SART3: variants seen among roughly 807,000 people sequenced by gnomAD.
SART3 encodes the protein spliceosome associated factor 3, U4/U6 recycling protein, also known as HIV-1 Tat-interacting protein of 110kDa.
Under a neutral mutation model 122.3 loss-of-function variants are expected in SART3, and 44 were observed. That is an observed-to-expected ratio of 0.36 (90% CI 0.28 to 0.46). SART3 has a LOEUF of 0.46. SART3 is among the 20% of genes least tolerant of loss of function. The pLI is 1.00. For missense variants in SART3, 1,101 were observed against 1,229.0 expected, an observed-to-expected ratio of 0.90 and a Z score of 1.56; for synonymous variants, 442 against 454.0, an observed-to-expected ratio of 0.97 and a Z score of 0.34.
intron 5 of SART3, 76 bp downstream of exon 5, chr12:108,544,351 G>A (rs1873306618): frequency 1.6e-6 from 2 of 1,262,742 alleles, no homozygotes; most frequent in East Asian, 4.6e-5. Flanking sequence ...GGTGGGAAAG[G>A]TCTAACTACA....
chr12:108,554,935 A>G (rs2030154108), intron 1 of SART3, among the ~76,000 whole-genome samples: 1 of 152,184 alleles, frequency 6.6e-6, no homozygotes, highest in Non-Finnish European at 1.5e-5. Flanking sequence ...GTGACAAGCA[A>G]TAAGAGCAAT....
chr12:108,546,763 C>T (rs531019520), intron 3 of SART3, among the ~76,000 whole-genome samples: 4 of 151,996 alleles, frequency 2.6e-5, no homozygotes, highest in East Asian at 1.9e-4. Context: ...TCAAGGGATC[C>T]GCCTGCCTCA....
At chr12:108,557,550 C>T (rs537989250) in intron 1 of SART3, among the ~76,000 whole-genome samples, 31 of 152,302 alleles carry the variant, frequency 2.0e-4, no homozygotes, top group Admixed American at 3.3e-4. Context: ...ACCTATTATG[C>T]GCCAAACTGT....
chr12:108,536,432 C>G, intron 11 of SART3, 82 bp downstream of exon 11: 1 of 1,368,428 alleles, frequency 7.3e-7, no homozygotes, highest in Non-Finnish European at 1.0e-6. Flanking sequence ...ATCTGGGATT[C>G]TGACTCAATT....
At chr12:108,543,245 C>A in intron 5 of SART3, 93 bp from the exon 6 acceptor site, 1 of 1,448,680 alleles carries the variant, frequency 6.9e-7, no homozygotes, top group Non-Finnish European at 9.5e-7. Flanking sequence ...TGCCACTAGC[C>A]CCTCCCACAT....
At chr12:108,559,065 GA>G (rs2030359593) in intron 1 of SART3, among the ~76,000 whole-genome samples, 1 of 119,332 alleles carries the variant, frequency 8.4e-6, no homozygotes, top group Non-Finnish European at 1.8e-5. Flanking sequence ...AAAAAAAGTA[GA>G]AATGCTAACC....
Position 108,549,142 on chromosome 12 carries a change from T to TA in SART3, c.384dup (p.Thr129TyrfsTer12), listed in dbSNP as rs2029890062. 6.2e-7 allele frequency: 1 copy of TA among 1,614,092 alleles called. No homozygotes were observed. Among genetic ancestry groups the TA allele is most frequent in the Non-Finnish European group, 8.5e-7 (1 of 1,180,032 alleles). On this transcript the variant is annotated frameshift_variant, in exon 2 of 19. Transcript: ENST00000546815. LOFTEE classifies it high-confidence loss of function. ...TTCTGGCGGGCCATCCTCACCTTGG[T>TA]AAGCTCCCCTTCCAGCCTGAGCAGT...
In SART3 at chr12:108,536,621, G is replaced by A. The variant is rs748250633; in HGVS notation, c.1388-49C>T. 8.7e-6 allele frequency: 14 copies of A among 1,610,184 alleles called. No individual in the cohort carries two copies. The Admixed American group carries it at 1.2e-4, about 13-fold the overall frequency. ...TTAGAAAGGAACTTGGAGACAGATA[G>A]TCGCTGGCTGAAAAGGTACATCAAC... On this transcript the variant is annotated intron_variant, in intron 10 of 18. Coordinates refer to ENST00000546815, the MANE Select transcript of SART3 (RefSeq NM_014706.4).
At chr12:108,538,861 C>G in intron 7 of SART3, 73 bp downstream of exon 7, 1 of 1,586,226 alleles carries the variant, frequency 6.3e-7, no homozygotes. Flanking sequence ...GCAACAAACT[C>G]CTGGCACTCT....
chr12:108,547,584 T>C (rs1287679802), intron 3 of SART3, among the ~76,000 whole-genome samples: 17 of 152,166 alleles, frequency 1.1e-4, no homozygotes. Flanking sequence ...GTCCAAAACC[T>C]CTAAAAACCT....
At position 108,526,433 on chromosome 12, in the gene SART3, G is replaced by C. The variant is rs370133415; in HGVS notation, c.2036C>G (p.Ser679Trp). The C allele has an allele frequency of 1.3e-5, 21 of 1,614,020 alleles. No individual in the cohort carries two copies. The East Asian group carries it at 3.6e-4, about 27-fold the overall frequency. The change falls in exon 16 of 19, where the codon TCG becomes TGG. Residue 679 changes from serine to tryptophan, a missense_variant. Coordinates refer to ENST00000546815, the MANE Select transcript of SART3 (RefSeq NM_014706.4). ...GGAGGCTGCCTTCTCCTTCTGCTTC[G>C]AAGGGGGCTCCACATCTACGGCAGC... ...KCAAVDVEPP[S>W]KQKEKAASLK... is the part of the protein sequence containing the mutation.
chr12:108,549,403 C>T (rs1482173028), intron 1 of SART3, 189 bp from the exon 2 acceptor site: 2 of 595,574 alleles, frequency 3.4e-6, no homozygotes, highest in African/African-American at 3.7e-5. Flanking sequence ...GCTTTTGTAA[C>T]AAACATAAAG....
In SART3 at chr12:108,530,237, T is replaced by C. The variant is rs780780326; in HGVS notation, c.1820A>G (p.Glu607Gly). 5 of 1,614,212 alleles carry C rather than the reference T, an allele frequency of 3.1e-6. No individual in the cohort carries two copies. The South Asian group carries it at 4.4e-5, about 14-fold the overall frequency. Reference protein sequence around the residue: ...KAEQRKRARAEKKALKKKKKI... With the variant: ...KAEQRKRARAGKKALKKKKKI... ...TTTCTTCTTTTTTAACGCTTTCTTC[T>C]CAGCCCGAGCTCTTTTCCGTTGTTC... The change falls in exon 15 of 19, where the codon GAG becomes GGG. Residue 607 changes from glutamate to glycine, a missense_variant. Around this residue, in one of 2 missense-constraint regions of SART3, gnomAD observed 885 missense variants for 1,080.1 expected, o/e 0.82. Coordinates refer to ENST00000546815, the MANE Select transcript of SART3 (RefSeq NM_014706.4).
intron 1 of SART3, chr12:108,549,464 G>A (rs1179475809): frequency 6.4e-6 from 3 of 468,306 alleles, no homozygotes; most frequent in Non-Finnish European, 1.2e-5. Flanking sequence ...GGTTCTCTTG[G>A]AAATAAAGGA....
chr12:108,528,136 T>C (rs1872477850), intron 15 of SART3, among the ~76,000 whole-genome samples: 2 of 152,164 alleles, frequency 1.3e-5, no homozygotes, highest in African/African-American at 4.8e-5. Context: ...TCCCTGAAAT[T>C]ACAAGGGTGA....
In SART3 at chr12:108,560,981, C is replaced by A. The variant is rs199769409; in HGVS notation, c.174G>T (p.Gln58His). 65 of 1,614,046 alleles carry A rather than the reference C, an allele frequency of 4.0e-5. No homozygotes were observed. The highest frequency in any genetic ancestry group is 1.6e-4 in the Middle Eastern group (1 of 6,084). The change falls in exon 1 of 19, where the codon CAG (glutamine) becomes CAT (histidine). Residue 58 changes from glutamine to histidine, a missense_variant. Physicochemically the swap from Gln to His is conservative, Grantham distance 24 (BLOSUM62 0). Transcript: ENST00000546815. ...CATCGCTCTCGCTCACGCCTTCCTC[C>A]TGCTGATCCCACGCTGGCCCCATGG... ...YKTMGPAWDQQEEGVSESDGD... is the reference protein window; with the variant it reads ...YKTMGPAWDQHEEGVSESDGD...
Position 108,547,917 on chromosome 12 carries a change from G to T in SART3, c.514C>A (p.Leu172Ile). The T allele has an allele frequency of 6.2e-7, 1 of 1,613,742 alleles. No homozygotes were observed. The highest frequency in any genetic ancestry group is 1.1e-5 in the South Asian group (1 of 91,082). ...DGLDREHVYD[L>I]FEKAVKDYIC... The stretch of plus-strand genomic sequence containing the variant: ...TAATCCTTCACGGCTTTCTCAAAGA[G>T]GTCATACACGTGCTCTCTGTCCAGG... The change falls in exon 3 of 19, where the codon CTC becomes ATC. Residue 172 changes from leucine to isoleucine, a missense_variant. This residue lies in a region of SART3 where 885 missense variants were observed against 1,080.1 expected (regional missense o/e 0.82). Transcript: ENST00000546815.
At chr12:108,536,876 A>G in intron 9 of SART3, 91 bp from the exon 10 acceptor site, 2 of 1,121,982 alleles carry the variant, frequency 1.8e-6, no homozygotes, top group East Asian at 2.5e-5. Flanking sequence ...CTGGAGACCC[A>G]CTATGTACCT....
intron 9 of SART3, 161 bp downstream of exon 9, chr12:108,537,327 G>T (rs901958311): frequency 1.8e-5 from 12 of 653,418 alleles, no homozygotes; most frequent in Middle Eastern, 8.1e-4. Context: ...ATCATGACTT[G>T]TTAAAGACAG....
Sources: allele counts gnomAD v4.1 joint callset (sites outside exome capture counted in the v4.1 genomes callset), GRCh38; gene constraint gnomAD v4.1.1; regional missense constraint gnomAD v4.1.1; transcripts MANE v1.5; gene names NCBI Gene and HGNC (gene_info 2026-07-23, HGNC 2026-07-21).